The following LIX1 variants were observed in gnomAD, a reference collection of about 807,000 sequenced individuals.
LIX1 encodes the protein limb and CNS expressed 1.
In LIX1, 24 loss-of-function variants were observed where a neutral mutation model predicts 33.4. The observed-to-expected ratio is 0.72, with a 90% CI of 0.52 to 1.01. LIX1 has a LOEUF of 1.01. Among genes scored for constraint, LIX1 ranks in the 50% least tolerant of loss-of-function variants. LIX1 has a pLI of 0.00. For synonymous variants in LIX1, 124 were observed against 124.0 expected (o/e 1.00, Z 0.00); for missense variants, 311 against 339.2 (o/e 0.92, Z 0.65).
intron 4 of LIX1, among the ~76,000 whole-genome samples, chr5:97,098,012 T>G (rs1482372966): frequency 6.6e-6 from 1 of 152,238 alleles, no homozygotes; most frequent in African/African-American, 2.4e-5. Context: ...TAAAGCCAAC[T>G]TCCTCTGCTC....
At chr5:97,124,356 A>C in intron 2 of LIX1, 110 bp downstream of exon 2, 1 of 945,406 alleles carries the variant, frequency 1.1e-6, no homozygotes, top group Non-Finnish European at 1.5e-6. Flanking sequence ...GATATGGTAC[A>C]ACTTTGTTCA....
intron 5 of LIX1, 108 bp from the exon 6 acceptor site, chr5:97,095,143 C>T: frequency 2.0e-6 from 2 of 1,014,330 alleles, no homozygotes; most frequent in Non-Finnish European, 2.9e-6. Flanking sequence ...TCAACAACCC[C>T]ATCTCTCTCA....
At chr5:97,103,892 G>A (rs922397867) in intron 4 of LIX1, among the ~76,000 whole-genome samples, 2 of 151,498 alleles carry the variant, frequency 1.3e-5, no homozygotes, top group Non-Finnish European at 2.9e-5. Context: ...TTGAACCTGG[G>A]AGGCAGAGCT....
chr5:97,133,188 A>G (rs543519663), intron 1 of LIX1, among the ~76,000 whole-genome samples: 44 of 152,342 alleles, frequency 2.9e-4, no homozygotes, highest in Admixed American at 2.4e-3. Context: ...ATATGCACTG[A>G]ATCTTGTCTC....
chr5:97,114,383 C>T (rs956262697), intron 2 of LIX1, among the ~76,000 whole-genome samples: 5 of 152,102 alleles, frequency 3.3e-5, no homozygotes, highest in Admixed American at 3.3e-4. Flanking sequence ...ACTTCCCTCG[C>T]TCTGATGAAT....
intron 2 of LIX1, among the ~76,000 whole-genome samples, chr5:97,112,144 A>T (rs1443454484): frequency 6.6e-6 from 1 of 152,242 alleles, no homozygotes; most frequent in African/African-American, 2.4e-5. Context: ...AATCTCAGCC[A>T]GTAAGGGCTG....
At chr5:97,133,372 T>C (rs1039641803) in intron 1 of LIX1, among the ~76,000 whole-genome samples, 1 of 152,218 alleles carries the variant, frequency 6.6e-6, no homozygotes, top group Admixed American at 6.5e-5. Flanking sequence ...GCTGTAAGGC[T>C]TAAAATGGAA....
At chr5:97,135,017 CTTT>C (rs761255599) in intron 1 of LIX1, among the ~76,000 whole-genome samples, 2 of 152,168 alleles carry the variant, frequency 1.3e-5, no homozygotes, top group African/African-American at 2.4e-5. Context: ...TGTGTTTCTT[CTTT>C]TGTTTGCTTT....
At position 97,115,771 on chromosome 5, in the gene LIX1, A is replaced by G. The variant is rs554728254; in HGVS notation, c.247-8271T>C. Reference sequence around the variant, plus strand: ...GAAGCAGGATTAAAAAAAAAAAAAAAGAACAGTAATGTAATAGCTAATGTG... The same window carrying G: ...GAAGCAGGATTAAAAAAAAAAAAAAGGAACAGTAATGTAATAGCTAATGTG... On this transcript the variant is annotated intron_variant, in intron 2 of 5. Coordinates refer to ENST00000274382, the MANE Select transcript of LIX1 (RefSeq NM_153234.5). 5.9e-5 allele frequency among the ~76,000 whole-genome samples: 9 copies of G among 151,632 alleles called. No individual in the cohort carries two copies. The East Asian group carries it at 1.7e-3, about 29-fold the overall frequency.
In LIX1 at chr5:97,123,216, C is replaced by T. The variant is rs545595331; in HGVS notation, c.246+1250G>A. On this transcript the variant is annotated intron_variant, in intron 2 of 5. Coordinates refer to ENST00000274382, the MANE Select transcript of LIX1 (RefSeq NM_153234.5). ...CAGTGGTACCTGTAGCTGTGGCTTC[C>T]GCTTAGAAATGTAGAAGTTCAACCC... Among the ~76,000 whole-genome samples the T allele has an allele frequency of 1.8e-4, 28 of 152,302 alleles. No individual in the cohort carries two copies. In the East Asian group the frequency reaches 1.9e-3, roughly 10 times the overall value.
At chr5:97,141,123 C>T (rs530389034) in intron 1 of LIX1, among the ~76,000 whole-genome samples, 1 of 141,914 alleles carries the variant, frequency 7.0e-6, no homozygotes, top group Non-Finnish European at 1.6e-5. Flanking sequence ...AAAACGTCCC[C>T]CCTATTTTTT....
chr5:97,122,795 C>T (rs183285675), intron 2 of LIX1, among the ~76,000 whole-genome samples: 126 of 152,280 alleles, frequency 8.3e-4, no homozygotes, highest in Admixed American at 1.9e-3. Context: ...TGCTGACCAC[C>T]AGAGTAGGAA....
At chr5:97,130,726 TATTA>T (rs777946554) in intron 1 of LIX1, among the ~76,000 whole-genome samples, 10 of 152,210 alleles carry the variant, frequency 6.6e-5, no homozygotes, top group Admixed American at 1.3e-4. Flanking sequence ...TTAGGAGGAA[TATTA>T]ATAATAGCAT....
chr5:97,118,517 C>T (rs1158992280), intron 2 of LIX1, among the ~76,000 whole-genome samples: 1 of 152,082 alleles, frequency 6.6e-6, no homozygotes, highest in Admixed American at 6.6e-5. Flanking sequence ...ATGGAAATTA[C>T]TGCAAGTTTT....
chr5:97,099,172 C>T (rs949748943), intron 4 of LIX1, among the ~76,000 whole-genome samples: 1 of 152,196 alleles, frequency 6.6e-6, no homozygotes, highest in African/African-American at 2.4e-5. Context: ...CATCTTCCTG[C>T]CCTTGTTCAG....
At position 97,130,429 on chromosome 5, in the gene LIX1, A is replaced by G. The variant is rs771515672; in HGVS notation, c.83-5800T>C. ...AAGGGAAGGGACTTTATCCACAGCC[A>G]GGACAAGATAAATCAGCCATACAGC... On this transcript the variant is annotated intron_variant, in intron 1 of 5. Coordinates refer to ENST00000274382, the MANE Select transcript of LIX1 (RefSeq NM_153234.5). Among the ~76,000 whole-genome samples the G allele has an allele frequency of 2.6e-5, 4 of 152,380 alleles. No individual in the cohort carries two copies. The South Asian group carries it at 6.2e-4, about 24-fold the overall frequency.
intron 2 of LIX1, among the ~76,000 whole-genome samples, chr5:97,116,557 C>G (rs1747641006): frequency 6.6e-6 from 1 of 152,130 alleles, no homozygotes; most frequent in Admixed American, 6.6e-5. Flanking sequence ...TATAAACCAC[C>G]TGGCCTTCTC....
In LIX1 at chr5:97,096,883, A is replaced by G; in HGVS notation, c.488T>C (p.Leu163Pro). The change falls in exon 5 of 6, where the codon CTG becomes CCG. Residue 163 changes from leucine to proline, a missense_variant. Physicochemically the swap from Leu to Pro is moderately conservative, Grantham distance 98. Coordinates refer to ENST00000274382, the MANE Select transcript of LIX1 (RefSeq NM_153234.5). ...GTGCAATAGTTGGAAAATGGTCATC[A>G]GCTCCTACAAAACCCAAACACCTAT... ...MGKTMLEFQELMTIFQLLHWN... is the reference protein window; with the variant it reads ...MGKTMLEFQEPMTIFQLLHWN... 6.2e-7 allele frequency: 1 copy of G among 1,613,676 alleles called. No homozygotes were observed. The highest frequency in any genetic ancestry group is 1.1e-5 in the South Asian group (1 of 91,062).
chr5:97,103,417 C>A (rs533391292), intron 4 of LIX1, among the ~76,000 whole-genome samples: 4 of 152,170 alleles, frequency 2.6e-5, no homozygotes, highest in Non-Finnish European at 5.9e-5. Context: ...CTACGCATAT[C>A]ATCCCATTTA....
Sources: allele counts gnomAD v4.1 joint callset (sites outside exome capture counted in the v4.1 genomes callset), GRCh38; gene constraint gnomAD v4.1.1; transcripts MANE v1.5; gene names NCBI Gene and HGNC (gene_info 2026-07-23, HGNC 2026-07-21).